MRPS22: variants seen among roughly 807,000 people sequenced by gnomAD.
The protein encoded by MRPS22 is mitochondrial ribosomal protein S22.
In MRPS22, 30 loss-of-function variants were observed where a neutral mutation model predicts 44.0. That is an observed-to-expected ratio of 0.68 (90% CI 0.51 to 0.93). The LOEUF is 0.93. Ranked by LOEUF, MRPS22 falls within the 40% of genes least tolerant of loss-of-function variation. The probability of loss-of-function intolerance (pLI) is 0.00; values close to 1 mark genes in which losing one functional copy is unlikely to be tolerated. For missense variants in MRPS22, 447 were observed against 447.8 expected, an observed-to-expected ratio of 1.00 and a Z score of 0.02; for synonymous variants, 165 against 154.4, an observed-to-expected ratio of 1.07 and a Z score of -0.51.
intron 7 of MRPS22, 108 bp from the exon 8 acceptor site, chr3:139,356,811 A>C (rs1941283660): frequency 1.3e-6 from 1 of 766,004 alleles, no homozygotes; most frequent in African/African-American, 1.8e-5. Context: ...GCCCTTTTTA[A>C]GTAGGACTCT....
At chr3:139,356,517 C>G (rs76641541) in intron 7 of MRPS22, among the ~76,000 whole-genome samples, 2 of 152,296 alleles carry the variant, frequency 1.3e-5, no homozygotes, top group East Asian at 3.9e-4. Flanking sequence ...AACTACAGTA[C>G]TGATTTTCTT....
At chr3:139,355,920 A>C (rs1941247293) in intron 7 of MRPS22, 130 bp downstream of exon 7, 1 of 746,642 alleles carries the variant, frequency 1.3e-6, no homozygotes, top group Non-Finnish European at 2.4e-6. Context: ...TGAAAACATC[A>C]GTATGATTTG....
intron 6 of MRPS22, 58 bp from the exon 7 acceptor site, chr3:139,355,624 A>T: frequency 7.4e-7 from 1 of 1,358,312 alleles, no homozygotes; most frequent in Non-Finnish European, 1.1e-6. Context: ...ACACTTTTAT[A>T]GGACTGTGAA....
chr3:139,344,031 C>A lies in MRPS22; in HGVS notation c.5C>A (p.Ala2Glu), dbSNP rs1940983801. The A allele has an allele frequency of 6.2e-7, 1 of 1,614,050 alleles. No homozygotes were observed. Among genetic ancestry groups the A allele is most frequent in the African/African-American group, 1.3e-5 (1 of 74,926 alleles). ...CGCAAGTGGCTTCTGATAATCATGG[C>A]GCCCCTCGGAACAACTGTATTGCTG... M[A>E]PLGTTVLLWS... The change falls in exon 1 of 8, where the codon GCG becomes GAG. Residue 2 changes from alanine (A) to glutamate (E), a missense_variant. Ala to Glu is a moderately radical substitution (Grantham distance 107). Transcript: ENST00000680020.
At chr3:139,350,559 C>T in intron 4 of MRPS22, 1 of 500,224 alleles carries the variant, frequency 2.0e-6, no homozygotes, top group South Asian at 2.1e-5. Context: ...TCATGAGTAG[C>T]TGGGATTACA....
Position 139,355,080 on chromosome 3 carries a change from C to T in MRPS22, c.879-602C>T, listed in dbSNP as rs116537010. Among the ~76,000 whole-genome samples the T allele has an allele frequency of 3.2e-3, 482 of 152,236 alleles. 3 individuals are homozygous for T. The highest frequency in any genetic ancestry group is 0.011 in the African/African-American group (467 of 41,538). On this transcript the variant is annotated intron_variant, in intron 6 of 7. Transcript: ENST00000680020. The stretch of plus-strand genomic sequence containing the variant: ...TTAAGACAGATTGCTGATGTAGAAC[C>T]CGATTTTCCTTTTTGTCTGATGTGT...
chr3:139,354,906 G>T (rs961164565), intron 6 of MRPS22, among the ~76,000 whole-genome samples: 7 of 152,202 alleles, frequency 4.6e-5, no homozygotes, highest in African/African-American at 1.7e-4. Context: ...GTGGGAAAGT[G>T]TCAGCTGTGT....
In MRPS22 at chr3:139,350,728, G is replaced by A. The variant is rs9874956; in HGVS notation, c.649-249G>A. The stretch of plus-strand genomic sequence containing the variant: ...TGGGATTACAGGCGTGAGCCACCAT[G>A]CCTGGCCGACTTCTTTCTTAATAGA... On this transcript the variant is annotated intron_variant, in intron 4 of 7. Transcript: ENST00000680020. The A allele has an allele frequency of 0.033, 17,216 of 516,956 alleles. 407 individuals carry two copies. The highest frequency in any genetic ancestry group is 0.044 in the Non-Finnish European group (12,548 of 285,370). 32.0% of individuals were successfully genotyped at this position (516,956 alleles called of 1,614,324 possible). A position where few individuals can be genotyped will look rare whatever the true frequency, so the allele number is the denominator to read the frequency against.
At chr3:139,353,763 AT>A (rs781176541) in intron 6 of MRPS22, among the ~76,000 whole-genome samples, 54 of 152,338 alleles carry the variant, frequency 3.5e-4, no homozygotes, top group Non-Finnish European at 7.1e-4. Flanking sequence ...GGGCAGAAAT[AT>A]ACCTTCATAC....
intron 2 of MRPS22, 148 bp downstream of exon 2, chr3:139,347,192 G>A: frequency 1.0e-6 from 1 of 966,884 alleles, no homozygotes; most frequent in Non-Finnish European, 1.6e-6. Context: ...AGAAATGTGA[G>A]TAGGCTGCCA....
At chr3:139,349,413 G>C in intron 3 of MRPS22, 2 of 402,548 alleles carry the variant, frequency 5.0e-6, no homozygotes, top group Admixed American at 6.8e-5. Context: ...AGTACTGTTT[G>C]GTTAATTTAT....
chr3:139,355,827 G>GT (rs1342247781), intron 7 of MRPS22, 37 bp downstream of exon 7: 1 of 1,499,390 alleles, frequency 6.7e-7, no homozygotes, highest in East Asian at 2.3e-5. Context: ...TTTTGTGGTG[G>GT]TAATTGAGCT....
chr3:139,349,682 A>G (rs1941109706), intron 3 of MRPS22, among the ~76,000 whole-genome samples: 1 of 152,242 alleles, frequency 6.6e-6, no homozygotes, highest in African/African-American at 2.4e-5. Flanking sequence ...CAGTTGGACC[A>G]GACAGCCTCT....
chr3:139,357,083 GT>G lies in MRPS22; in HGVS notation c.*71del. The G allele has an allele frequency of 7.8e-7, 1 of 1,282,234 alleles. No individual in the cohort carries two copies. The highest frequency in any genetic ancestry group is 1.3e-5 in the South Asian group (1 of 78,450). 79.4% of individuals were successfully genotyped at this position (1,282,234 alleles called of 1,614,324 possible). On this transcript the variant is annotated 3_prime_UTR_variant, in exon 8 of 8. Coordinates refer to ENST00000680020, the MANE Select transcript of MRPS22 (RefSeq NM_020191.4). ...TTTCTCTGTTAATATTGAGCTAAAT[GT>G]TAAAAAATGGCCAGATTAAAAGATA...
rs1235143730 is a variant in MRPS22, at chr3:139,350,881, T to TG, written c.649-94dup. The TG allele has an allele frequency of 4.6e-6, 4 of 869,184 alleles. No homozygotes were observed. In the African/African-American group the frequency reaches 6.6e-5, roughly 14 times the overall value. 53.8% of individuals were successfully genotyped at this position (869,184 alleles called of 1,614,324 possible). A position where few individuals can be genotyped will look rare whatever the true frequency, so the allele number is the denominator to read the frequency against. On this transcript the variant is annotated intron_variant, in intron 4 of 7. Transcript: ENST00000680020. The stretch of plus-strand genomic sequence containing the variant: ...TTTATGCTTCTTGAGGAGCACAGAG[T>TG]GGCCAGTATGTGGGTGGGCAGGCCT...
At chr3:139,344,697 T>C (rs753708101) in intron 1 of MRPS22, 8 of 701,084 alleles carry the variant, frequency 1.1e-5, no homozygotes, top group African/African-American at 1.0e-4. Flanking sequence ...TGAGCACAGA[T>C]ATTTGGGAAC....
At chr3:139,344,226 G>T (rs1204034414) in intron 1 of MRPS22, 28 bp downstream of exon 1, 1 of 1,580,622 alleles carries the variant, frequency 6.3e-7, no homozygotes, top group Non-Finnish European at 8.6e-7. Context: ...CTTTCGCTGG[G>T]GCGTTCTTCT....
Position 139,346,988 on chromosome 3 carries a change from A to G in MRPS22, c.283A>G (p.Ile95Val), listed in dbSNP as rs73866065. 3.2e-5 allele frequency: 52 copies of G among 1,614,084 alleles called. No individual in the cohort carries two copies. In the South Asian group the frequency reaches 3.7e-4, roughly 12 times the overall value. The change falls in exon 2 of 8, where the codon ATA becomes GTA. Residue 95 changes from isoleucine to valine, a missense_variant. By Grantham distance (29) the Ile-to-Val change is conservative. Transcript: ENST00000680020. ...LNLQKTFKPA[I>V]QELKPPTYKL... Reference sequence around the variant, plus strand: ...CTTGCAGAAGACTTTTAAGCCAGCTATACAAGAACTGAAGCCACCAACCTA... The same window carrying G: ...CTTGCAGAAGACTTTTAAGCCAGCTGTACAAGAACTGAAGCCACCAACCTA...
chr3:139,346,196 C>G (rs1200778178), intron 1 of MRPS22, among the ~76,000 whole-genome samples: 4 of 152,152 alleles, frequency 2.6e-5, no homozygotes, highest in Admixed American at 6.5e-5. Flanking sequence ...AATCTCTTAG[C>G]CTAGACTTTC....
Sources: allele counts gnomAD v4.1 joint callset (sites outside exome capture counted in the v4.1 genomes callset), GRCh38; gene constraint gnomAD v4.1.1; transcripts MANE v1.5; gene names NCBI Gene and HGNC (gene_info 2026-07-23, HGNC 2026-07-21).